SYNE2: variants seen among roughly 807,000 people sequenced by gnomAD.
SYNE2 encodes the protein spectrin repeat containing nuclear envelope protein 2.
SYNE2 carries 431 observed loss-of-function variants against 856.3 expected under a neutral mutation model. The observed-to-expected ratio is 0.50, with a 90% CI of 0.47 to 0.55. SYNE2 has a LOEUF of 0.55. Ranked by LOEUF, SYNE2 falls within the 20% of genes least tolerant of loss-of-function variation. The pLI is 0.00. For missense variants in SYNE2, 8,129 were observed against 8,023.2 expected, an observed-to-expected ratio of 1.01 and a Z score of -0.50; for synonymous variants, 2,923 against 2,872.3, an observed-to-expected ratio of 1.02 and a Z score of -0.56.
At chr14:64,063,942 T>A (rs766940467) in intron 50 of SYNE2, among the ~76,000 whole-genome samples, 1 of 152,220 alleles carries the variant, frequency 6.6e-6, no homozygotes, top group Non-Finnish European at 1.5e-5. Flanking sequence ...TGATAAAGTT[T>A]AATTTATAAA....
chr14:63,814,908 A>ATC (rs1888840987), intron 1 of SYNE2, among the ~76,000 whole-genome samples: 2 of 113,508 alleles, frequency 1.8e-5, no homozygotes, highest in African/African-American at 5.9e-5. Flanking sequence ...ATATCCATAT[A>ATC]TATCCATATA....
In SYNE2 at chr14:64,216,339, T is replaced by C. The variant is rs1381540183; in HGVS notation, c.19494T>C (p.Asn6498=). The change falls in exon 108 of 116, where the codon AAT becomes AAC. Residue 6498 remains asparagine (N), a synonymous_variant. Coordinates refer to ENST00000555002, the MANE Select transcript of SYNE2 (RefSeq NM_182914.3). The part of the protein sequence containing the change: ...HHYKQMEGDR[N]VPPVPPASST... ...ACAAGCAAATGGAAGGTGACAGGAA[T>C]GTTCCACCTGTTCCCCCTGCGTCCA... The C allele has an allele frequency of 1.2e-6, 2 of 1,614,210 alleles. No homozygotes were observed. The highest frequency in any genetic ancestry group is 3.3e-5 in the Admixed American group (2 of 60,020).
intron 65 of SYNE2, among the ~76,000 whole-genome samples, chr14:64,112,833 T>C (rs2097822308): frequency 6.6e-6 from 1 of 152,248 alleles, no homozygotes; most frequent in Non-Finnish European, 1.5e-5. Context: ...CTAAAATTTT[T>C]ATAATCTAAC....
chr14:64,000,583 G>A lies in SYNE2; in HGVS notation c.3502G>A (p.Ala1168Thr). Residue 1168 changes from alanine to threonine, a missense_variant, in exon 28 of 116, where the codon GCT becomes ACT. By Grantham distance (58) the Ala-to-Thr change is moderately conservative. Transcript: ENST00000555002. The stretch of plus-strand genomic sequence containing the variant: ...CTAGGTCATAAAAAATGAAACTGAT[G>A]CTCGCTGGAAAGAGTTTGAAATTAT... ...DLQVIKNETD[A>T]RWKEFEIISL... 1 of 1,613,410 alleles carries A rather than the reference G, an allele frequency of 6.2e-7. No individual in the cohort carries two copies. Among genetic ancestry groups the A allele is most frequent in the East Asian group, 2.2e-5 (1 of 44,762 alleles).
rs1566592926 is a variant in SYNE2, at chr14:63,827,637, A to AAAAAC, written c.-304-24860_-304-24859insCAAAA. Among the ~76,000 whole-genome samples, 9 of 131,400 alleles carry AAAAAC rather than the reference A, an allele frequency of 6.8e-5. No homozygotes were observed. In the East Asian group the frequency reaches 9.2e-4, roughly 13 times the overall value. 86.2% of individuals were successfully genotyped at this position (131,400 alleles called of 152,430 possible). ...TGAAACTCTGTCTCAAAAAAAAAAAAAAAAAAAAAAAAAAAAAAAGAAAGA... is the reference window on the plus strand; with the variant it reads ...TGAAACTCTGTCTCAAAAAAAAAAAAAAAACAAAAAAAAAAAAAAAAAAAGAAAGA... On this transcript the variant is annotated intron_variant, in intron 1 of 23. Coordinates refer to the SYNE2 transcript ENST00000674003.
Position 63,874,205 on chromosome 14 carries a change from G to C in SYNE2, c.-52+21062G>C, listed in dbSNP as rs1285393169. The stretch of plus-strand genomic sequence containing the variant: ...CGTCTGTCAGAGTGTTTAACGTGTT[G>C]TTCATTGTAGTTCTTTAAAACCTTC... On this transcript the variant is annotated intron_variant, in intron 1 of 115. Transcript: ENST00000555002. 2.0e-5 allele frequency among the ~76,000 whole-genome samples: 3 copies of C among 152,104 alleles called. No individual in the cohort carries two copies. The East Asian group carries it at 5.8e-4, about 29-fold the overall frequency.
intron 89 of SYNE2, 111 bp downstream of exon 89, chr14:64,163,692 TAC>T: frequency 7.9e-7 from 1 of 1,263,870 alleles, no homozygotes; most frequent in East Asian, 2.5e-5. Context: ...TTAGCAAAAT[TAC>T]AGACTGAAGC....
chr14:63,994,992 T>C (rs1319367958), intron 22 of SYNE2, 52 bp from the exon 23 acceptor site: 5 of 1,205,108 alleles, frequency 4.1e-6, no homozygotes, highest in South Asian at 1.4e-5. Flanking sequence ...ATAAATACTT[T>C]TTTGTATATT....
chr14:64,002,623 T>C (rs999846208), intron 29 of SYNE2, 97 bp from the exon 30 acceptor site: 1 of 1,380,898 alleles, frequency 7.2e-7, no homozygotes, highest in Middle Eastern at 2.6e-4. Context: ...AGCATTTTTC[T>C]AGATCAAATC....
intron 45 of SYNE2, among the ~76,000 whole-genome samples, chr14:64,035,301 A>G (rs8016043): frequency 0.76 from 114,936 of 151,722 alleles, 45,614 homozygotes; most frequent in Non-Finnish European, 0.88. Context: ...AGAGTTTTCA[A>G]TCCTGGGGTA....
chr14:63,820,453 G>T (rs1889172488), intron 1 of SYNE2, among the ~76,000 whole-genome samples: 1 of 152,118 alleles, frequency 6.6e-6, no homozygotes, highest in Non-Finnish European at 1.5e-5. Context: ...TAAACATTTA[G>T]AAGAAAACAT....
At chr14:63,770,750 A>T (rs540710597) in intron 1 of SYNE2, among the ~76,000 whole-genome samples, 4 of 152,136 alleles carry the variant, frequency 2.6e-5, no homozygotes, top group Non-Finnish European at 5.9e-5. Context: ...TGATTGTGCC[A>T]CTGCACTCCA....
chr14:63,764,112 T>C (rs1172955606), intron 1 of SYNE2, among the ~76,000 whole-genome samples: 2 of 152,204 alleles, frequency 1.3e-5, no homozygotes, highest in African/African-American at 4.8e-5. Flanking sequence ...GAATTAAAAT[T>C]TGGGGGCTAG....
intron 114 of SYNE2, 57 bp from the exon 115 acceptor site, chr14:64,224,942 T>A: frequency 1.3e-6 from 2 of 1,500,748 alleles, no homozygotes; most frequent in South Asian, 1.1e-5. Context: ...TTTTTTTTTA[T>A]CATTGATAGG....
At chr14:63,897,004 C>A (rs1442610332) in intron 1 of SYNE2, among the ~76,000 whole-genome samples, 3 of 152,144 alleles carry the variant, frequency 2.0e-5, no homozygotes, top group East Asian at 3.9e-4. Flanking sequence ...GTAATTCCAG[C>A]ACTTTGGGAG....
intron 94 of SYNE2, among the ~76,000 whole-genome samples, chr14:64,172,278 G>A (rs1215185815): frequency 1.3e-5 from 2 of 152,136 alleles, no homozygotes; most frequent in African/African-American, 4.8e-5. Flanking sequence ...GTCATTCTTG[G>A]GGTTGACAGG....
chr14:63,868,630 A>G (rs542407380), intron 1 of SYNE2, among the ~76,000 whole-genome samples: 2 of 152,360 alleles, frequency 1.3e-5, no homozygotes, highest in East Asian at 3.9e-4. Flanking sequence ...TAAGATAAAC[A>G]TAAAATTGTC....
intron 58 of SYNE2, among the ~76,000 whole-genome samples, chr14:64,089,260 G>A (rs2097586188): frequency 6.6e-6 from 1 of 150,706 alleles, no homozygotes; most frequent in South Asian, 2.1e-4. Flanking sequence ...CAGCTATTCA[G>A]GAGGCTGAGG....
intron 57 of SYNE2, among the ~76,000 whole-genome samples, chr14:64,082,227 G>A (rs567657982): frequency 1.3e-5 from 2 of 152,224 alleles, no homozygotes; most frequent in South Asian, 2.1e-4. Context: ...TGAATATGAT[G>A]GGATAGTCCC....
Sources: gnomAD v4.1 joint callset for allele counts (sites outside exome capture counted in the v4.1 genomes callset) on GRCh38, gnomAD v4.1.1 for gene constraint, MANE v1.5 for transcripts, NCBI Gene and HGNC (gene_info 2026-07-23, HGNC 2026-07-21) for gene names.